The following FHIT variants were observed in gnomAD, a reference collection of about 807,000 sequenced individuals.
The protein encoded by FHIT is bis(5'-adenosyl)-triphosphatase.
Under a neutral mutation model 17.9 loss-of-function variants are expected in FHIT, and 19 were observed. The observed-to-expected ratio is 1.06, with a 90% CI of 0.74 to 1.56. FHIT has a LOEUF of 1.56. FHIT is among the 40% of genes most tolerant of loss of function. The pLI is 0.00. For missense variants in FHIT, 248 were observed against 189.2 expected (o/e 1.31, Z -1.82); for synonymous variants, 81 against 69.7 (o/e 1.16, Z -0.81).
At chr3:60,769,909 T>C (rs2108072012) in intron 4 of FHIT, among the ~76,000 whole-genome samples, 1 of 152,314 alleles carries the variant, frequency 6.6e-6, no homozygotes. Context: ...GCAAGAGTGT[T>C]TCTATGAAAT....
rs1701617597 is a variant in FHIT, at chr3:60,045,507, C to T, written c.104-31355G>A. Among the ~76,000 whole-genome samples the T allele has an allele frequency of 2.0e-5, 3 of 152,134 alleles. No homozygotes were observed. The South Asian group carries it at 6.2e-4, about 32-fold the overall frequency. On this transcript the variant is annotated intron_variant, in intron 5 of 9. Transcript: ENST00000492590. ...ACCTGCCCCCATGATTCAATTACCT[C>T]CCACTGTATCCCTCCCACAACACGT...
chr3:60,932,110 T>C (rs1435470893), intron 3 of FHIT, among the ~76,000 whole-genome samples: 1 of 152,332 alleles, frequency 6.6e-6, no homozygotes, highest in African/African-American at 2.4e-5. Flanking sequence ...GGTAAGAAGT[T>C]GATATGGTCC....
At chr3:60,032,987 C>G (rs976846355) in intron 5 of FHIT, among the ~76,000 whole-genome samples, 4 of 151,888 alleles carry the variant, frequency 2.6e-5, no homozygotes, top group African/African-American at 9.7e-5. Flanking sequence ...CAGACAAATC[C>G]GTACTATAGA....
At chr3:59,849,094 G>A (rs970793744) in intron 8 of FHIT, among the ~76,000 whole-genome samples, 14 of 152,186 alleles carry the variant, frequency 9.2e-5, no homozygotes, top group African/African-American at 3.4e-4. Context: ...TTCTCGGCCA[G>A]GCTCAGTGGC....
intron 7 of FHIT, among the ~76,000 whole-genome samples, chr3:59,997,762 G>A (rs1406548678): frequency 2.6e-5 from 4 of 152,132 alleles, no homozygotes; most frequent in African/African-American, 9.7e-5. Context: ...AGCATGCTGA[G>A]TATAATCAAT....
At chr3:60,182,646 A>G (rs1701986364) in intron 5 of FHIT, among the ~76,000 whole-genome samples, 1 of 152,006 alleles carries the variant, frequency 6.6e-6, no homozygotes, top group African/African-American at 2.4e-5. Flanking sequence ...AGTCAGGCAC[A>G]GCAGCACAAA....
chr3:60,688,039 T>C (rs184168978), intron 4 of FHIT, among the ~76,000 whole-genome samples: 37 of 152,296 alleles, frequency 2.4e-4, no homozygotes, highest in Admixed American at 2.0e-3. Context: ...TTTAATCTAA[T>C]GAGTTACTTT....
intron 8 of FHIT, among the ~76,000 whole-genome samples, chr3:59,907,454 G>C (rs1006315475): frequency 3.9e-5 from 6 of 152,230 alleles, no homozygotes; most frequent in Admixed American, 6.5e-5. Flanking sequence ...GTGTGAGAGA[G>C]AAATGATTCA....
intron 1 of FHIT, among the ~76,000 whole-genome samples, chr3:61,217,897 T>G (rs1287566808): frequency 6.6e-6 from 1 of 152,202 alleles, no homozygotes; most frequent in Non-Finnish European, 1.5e-5. Flanking sequence ...AAATTACAAT[T>G]TTATGACAGT....
chr3:60,895,457 G>A (rs1015556812), intron 3 of FHIT, among the ~76,000 whole-genome samples: 1 of 152,070 alleles, frequency 6.6e-6, no homozygotes, highest in African/African-American at 2.4e-5. Context: ...TTTTCTGACT[G>A]TGTAAACACC....
At chr3:60,286,624 G>A (rs914232473) in intron 5 of FHIT, among the ~76,000 whole-genome samples, 1 of 152,052 alleles carries the variant, frequency 6.6e-6, no homozygotes. Context: ...CTCCTAACAA[G>A]GAGCTTAATC....
intron 8 of FHIT, among the ~76,000 whole-genome samples, chr3:59,878,236 A>G (rs1276578139): frequency 6.6e-6 from 1 of 152,178 alleles, no homozygotes; most frequent in Non-Finnish European, 1.5e-5. Context: ...TCCCAAGGCC[A>G]TGGTTACCTG....
intron 2 of FHIT, among the ~76,000 whole-genome samples, chr3:61,158,028 T>G (rs1576122273): frequency 1.3e-5 from 2 of 152,192 alleles, no homozygotes; most frequent in South Asian, 4.1e-4. Context: ...TGGATGACAG[T>G]GAGTCATGAA....
intron 8 of FHIT, among the ~76,000 whole-genome samples, chr3:59,792,880 G>GGA (rs1009352326): frequency 6.8e-6 from 1 of 146,684 alleles, no homozygotes; most frequent in African/African-American, 2.5e-5. Context: ...TTTGGGGGGG[G>GGA]GGGTCATGAA....
intron 5 of FHIT, among the ~76,000 whole-genome samples, chr3:60,532,268 T>TA (rs1286162592): frequency 1.3e-5 from 2 of 152,148 alleles, no homozygotes; most frequent in African/African-American, 4.8e-5. Context: ...AATGCAGAGA[T>TA]CAATACACTC....
intron 4 of FHIT, among the ~76,000 whole-genome samples, chr3:60,710,653 C>A (rs543335285): frequency 6.6e-6 from 1 of 152,204 alleles, no homozygotes; most frequent in Admixed American, 6.5e-5. Context: ...CCTACACCCA[C>A]GGAGTCTCAC....
chr3:60,296,266 G>T (rs1398459314), intron 5 of FHIT, among the ~76,000 whole-genome samples: 8 of 152,054 alleles, frequency 5.3e-5, no homozygotes, highest in Non-Finnish European at 1.2e-4. Flanking sequence ...GAAGCAAGAA[G>T]AACTTTCACA....
intron 5 of FHIT, among the ~76,000 whole-genome samples, chr3:60,138,194 G>A (rs1384788779): frequency 6.6e-6 from 1 of 152,150 alleles, no homozygotes; most frequent in Non-Finnish European, 1.5e-5. Context: ...ATGACGCAAA[G>A]GAAGTCAGAA....
intron 5 of FHIT, among the ~76,000 whole-genome samples, chr3:60,274,870 A>T (rs1056194273): frequency 4.6e-5 from 7 of 152,170 alleles, no homozygotes; most frequent in Admixed American, 3.9e-4. Flanking sequence ...TTTAGCATGG[A>T]TAATTGCAAT....
Sources: allele counts gnomAD v4.1 joint callset (sites outside exome capture counted in the v4.1 genomes callset), GRCh38; gene constraint gnomAD v4.1.1; transcripts MANE v1.5; gene names NCBI Gene and HGNC (gene_info 2026-07-23, HGNC 2026-07-21).